The following ACTN1 variants were observed in gnomAD, a reference collection of about 807,000 sequenced individuals.
ACTN1 encodes the protein alpha-actinin-1.
ACTN1 carries 30 observed loss-of-function variants against 119.6 expected under a neutral mutation model. The ratio of observed to expected loss-of-function variants is 0.25; its 90% CI spans 0.19 to 0.34. ACTN1 has a LOEUF of 0.34. ACTN1 is among the 10% of genes least tolerant of loss of function. The pLI is 1.00. For synonymous variants in ACTN1, 429 were observed against 472.6 expected, an observed-to-expected ratio of 0.91 and a Z score of 1.20; for missense variants, 764 against 1,223.4, an observed-to-expected ratio of 0.62 and a Z score of 5.60.
At chr14:68,884,671 A>G in intron 13 of ACTN1, 104 bp downstream of exon 13, 1 of 1,001,036 alleles carries the variant, frequency 1.0e-6, no homozygotes, top group Non-Finnish European at 1.5e-6. Context: ...AGGTCTGGGG[A>G]AGCCATAGAG....
At chr14:68,928,513 G>C (rs912493023) in intron 1 of ACTN1, among the ~76,000 whole-genome samples, 2 of 152,234 alleles carry the variant, frequency 1.3e-5, no homozygotes, top group South Asian at 4.1e-4. Context: ...CATGCACTTC[G>C]GGACGCATCA....
At chr14:68,968,923 A>T (rs1402443753) in intron 1 of ACTN1, among the ~76,000 whole-genome samples, 1 of 152,250 alleles carries the variant, frequency 6.6e-6, no homozygotes, top group Admixed American at 6.5e-5. Context: ...TTCCCAGAAC[A>T]GTCCCAGGGC....
intron 1 of ACTN1, among the ~76,000 whole-genome samples, chr14:68,929,554 C>T (rs572710220): frequency 3.4e-4 from 52 of 152,230 alleles, no homozygotes; most frequent in African/African-American, 1.1e-3. Context: ...AGGCTCACAG[C>T]CTGACAAAGG....
intron 8 of ACTN1, among the ~76,000 whole-genome samples, chr14:68,901,554 G>C (rs1012424769): frequency 6.6e-6 from 1 of 152,148 alleles, no homozygotes; most frequent in South Asian, 2.1e-4. Flanking sequence ...GCCTCATCAT[G>C]CATTTTAAAA....
chr14:68,908,366 C>A (rs1207171333), intron 6 of ACTN1, among the ~76,000 whole-genome samples: 1 of 152,214 alleles, frequency 6.6e-6, no homozygotes, highest in African/African-American at 2.4e-5. Context: ...CACTGAGAAG[C>A]AAGACGCCCT....
intron 1 of ACTN1, among the ~76,000 whole-genome samples, chr14:68,943,128 C>G (rs572065334): frequency 6.6e-6 from 1 of 152,186 alleles, no homozygotes; most frequent in South Asian, 2.1e-4. Flanking sequence ...GTCCACTAGG[C>G]CGGCGGTGGT....
chr14:68,917,778 C>A (rs965795961), intron 3 of ACTN1, among the ~76,000 whole-genome samples: 2 of 152,184 alleles, frequency 1.3e-5, no homozygotes, highest in African/African-American at 4.8e-5. Flanking sequence ...TTTAAAGGAA[C>A]TTTTCGTCGG....
At chr14:68,972,631 GTA>G (rs2036924882) in intron 1 of ACTN1, among the ~76,000 whole-genome samples, 1 of 152,172 alleles carries the variant, frequency 6.6e-6, no homozygotes, top group Non-Finnish European at 1.5e-5. Context: ...GGTTTTGTTT[GTA>G]TATGTTTGTC....
At chr14:68,962,209 A>G (rs1186613378) in intron 1 of ACTN1, among the ~76,000 whole-genome samples, 1 of 152,172 alleles carries the variant, frequency 6.6e-6, no homozygotes, top group Non-Finnish European at 1.5e-5. Flanking sequence ...CATCCAGGGC[A>G]CGGGCGCCTG....
intron 1 of ACTN1, among the ~76,000 whole-genome samples, chr14:68,949,802 G>T (rs192401482): frequency 2.0e-5 from 3 of 152,284 alleles, no homozygotes; most frequent in African/African-American, 7.2e-5. Flanking sequence ...GACACATGCT[G>T]CAACATGGAC....
intron 1 of ACTN1, among the ~76,000 whole-genome samples, chr14:68,957,580 C>A (rs1245417479): frequency 6.6e-6 from 1 of 152,188 alleles, no homozygotes; most frequent in Admixed American, 6.5e-5. Flanking sequence ...AGTAATTCCA[C>A]GAATGGACCA....
intron 1 of ACTN1, among the ~76,000 whole-genome samples, chr14:68,957,529 C>T (rs765754662): frequency 1.4e-4 from 21 of 152,254 alleles, no homozygotes; most frequent in Non-Finnish European, 2.6e-4. Context: ...TCAGTCATTA[C>T]AGTTCCTAAG....
chr14:68,901,301 G>A (rs1224913922), intron 8 of ACTN1, among the ~76,000 whole-genome samples: 1 of 136,510 alleles, frequency 7.3e-6, no homozygotes, highest in African/African-American at 2.8e-5. Flanking sequence ...AGGCTGGAGT[G>A]CAGTGGCACA....
At chr14:68,967,537 T>C (rs2036745948) in intron 1 of ACTN1, among the ~76,000 whole-genome samples, 1 of 152,122 alleles carries the variant, frequency 6.6e-6, no homozygotes, top group Non-Finnish European at 1.5e-5. Flanking sequence ...ATCAGTGACA[T>C]CCCCTGAGAA....
At chr14:68,964,288 C>CA (rs2036631228) in intron 1 of ACTN1, among the ~76,000 whole-genome samples, 2 of 152,168 alleles carry the variant, frequency 1.3e-5, no homozygotes, top group South Asian at 2.1e-4. Context: ...AACTTTCCCT[C>CA]AAAAAACAGG....
chr14:68,904,781 A>G (rs757513064), intron 6 of ACTN1, 45 bp from the exon 7 acceptor site: 8 of 1,550,556 alleles, frequency 5.2e-6, no homozygotes, highest in African/African-American at 1.4e-5. Flanking sequence ...GAGAGCCACC[A>G]CAAGTCACTG....
chr14:68,912,051 G>C, intron 4 of ACTN1, 105 bp downstream of exon 4: 2 of 950,868 alleles, frequency 2.1e-6, no homozygotes, highest in Non-Finnish European at 3.3e-6. Flanking sequence ...CCCAGGACAT[G>C]GCCCCTGATC....
Position 68,950,294 on chromosome 14 carries a change from CAAAAAAA to C in ACTN1, c.106-24629_106-24623del, listed in dbSNP as rs60899029. Among the ~76,000 whole-genome samples the C allele has an allele frequency of 1.0e-3, 121 of 121,538 alleles. 2 individuals carry two copies. The highest frequency in any genetic ancestry group is 1.5e-3 in the African/African-American group (47 of 31,066). The allele number at this position is 121,538 out of a possible 152,430, so 79.7% of individuals were successfully genotyped here. On this transcript the variant is annotated intron_variant, in intron 1 of 21. Transcript: ENST00000394419. ...TGGGTGACAGAGTGAGTTGTTGTCTCAAAAAAAAAAAAAAAAAAAAAAAAAAGAGTTC... is the reference window on the plus strand; with the variant it reads ...TGGGTGACAGAGTGAGTTGTTGTCTCAAAAAAAAAAAAAAAAAAAGAGTTC...
chr14:68,938,372 T>C lies in ACTN1; in HGVS notation c.106-12700A>G, dbSNP rs144662915. ...GGGGACTGGGGGTGCACCTTGGACT[T>C]TGGAACAAGACAGACCTAGGCTCCA... is the stretch of plus-strand genomic sequence containing the variant. On this transcript the variant is annotated intron_variant, in intron 1 of 21. Transcript: ENST00000394419. Among the ~76,000 whole-genome samples the C allele has an allele frequency of 1.2e-3, 176 of 152,072 alleles. 3 individuals carry two copies. The highest frequency in any genetic ancestry group is 4.1e-3 in the African/African-American group (170 of 41,492).
Sources: allele counts gnomAD v4.1 joint callset (sites outside exome capture counted in the v4.1 genomes callset), GRCh38; gene constraint gnomAD v4.1.1; transcripts MANE v1.5; gene names NCBI Gene and HGNC (gene_info 2026-07-23, HGNC 2026-07-21).